The following MLLT3 variants were observed in gnomAD, a reference collection of about 807,000 sequenced individuals.
MLLT3 encodes protein AF-9.
MLLT3 carries 4 observed loss-of-function variants against 53.2 expected under a neutral mutation model. The observed-to-expected ratio is 0.08, with a 90% CI of 0.04 to 0.17. The LOEUF is 0.17. MLLT3 is among the 10% of genes least tolerant of loss of function. The pLI is 1.00. For synonymous variants in MLLT3, 283 were observed against 230.6 expected, an observed-to-expected ratio of 1.23 and a Z score of -2.06; for missense variants, 569 against 684.0, an observed-to-expected ratio of 0.83 and a Z score of 1.87.
intron 8 of MLLT3, among the ~76,000 whole-genome samples, chr9:20,358,153 C>T (rs1345133415): frequency 3.3e-5 from 5 of 152,016 alleles, no homozygotes; most frequent in Non-Finnish European, 4.4e-5. Flanking sequence ...AGAAGCTTGA[C>T]TTAAAGGGAT....
chr9:20,504,787 C>T (rs917330582), intron 2 of MLLT3, among the ~76,000 whole-genome samples: 2 of 152,006 alleles, frequency 1.3e-5, no homozygotes, highest in African/African-American at 4.8e-5. Context: ...TGTTAATTAG[C>T]TCAATTTGGC....
chr9:20,522,515 T>C (rs1818089818), intron 2 of MLLT3, among the ~76,000 whole-genome samples: 1 of 152,204 alleles, frequency 6.6e-6, no homozygotes, highest in South Asian at 2.1e-4. Context: ...AATTTTTTAC[T>C]ACCCTTTTGA....
intron 5 of MLLT3, among the ~76,000 whole-genome samples, chr9:20,372,451 G>A (rs1471274224): frequency 1.3e-5 from 2 of 151,810 alleles, no homozygotes; most frequent in Non-Finnish European, 2.9e-5. Context: ...AGGCTGGAGT[G>A]CAGTGGCACC....
intron 2 of MLLT3, among the ~76,000 whole-genome samples, chr9:20,568,350 A>C (rs2131160892): frequency 6.6e-6 from 1 of 152,296 alleles, no homozygotes; most frequent in Non-Finnish European, 1.5e-5. Flanking sequence ...TCCATAATAC[A>C]AGGCTGGGGA....
At position 20,342,807 on chromosome 9, in the gene MLLT3, G is replaced by C. The variant is rs1253243349; in HGVS notation, c.*3636C>G. The stretch of plus-strand genomic sequence containing the variant: ...CATAGTTTTAGAGCAACAGTCCAAA[G>C]CAAGATTACTCTGATAATATATATG... On this transcript the variant is annotated 3_prime_UTR_variant, in exon 11 of 11. Coordinates refer to ENST00000380338, the MANE Select transcript of MLLT3 (RefSeq NM_004529.4). 1 of 181,238 alleles carries C rather than the reference G, an allele frequency of 5.5e-6. No individual in the cohort carries two copies. Among genetic ancestry groups the C allele is most frequent in the Non-Finnish European group, 1.1e-5 (1 of 87,226 alleles). The allele number at this position is 181,238 out of a possible 1,614,324, so 11.2% of individuals were successfully genotyped here. A position where few individuals can be genotyped will look rare whatever the true frequency, so the allele number is the denominator to read the frequency against.
rs2118776747 is a variant in MLLT3 at position 20,414,214 on chromosome 9, G to T, written c.632C>A (p.Ser211Tyr). The change falls in exon 5 of 11, where the codon TCC becomes TAC. Residue 211 changes from serine (S) to tyrosine (Y), a missense_variant. Ser to Tyr is a moderately radical substitution (Grantham distance 144). Around this residue, in one of 5 missense-constraint regions of MLLT3, gnomAD observed 437 missense variants for 376.5 expected, o/e 1.16. Transcript: ENST00000380338. ...KEHKEKPSKD[S>Y]REHKSAFKEP... Reference sequence around the variant, plus strand: ...TTTGAAGGCACTTTTATGTTCTCTGGAGTCTTTAGAAGGTTTTTCCTTGTG... The same window carrying T: ...TTTGAAGGCACTTTTATGTTCTCTGTAGTCTTTAGAAGGTTTTTCCTTGTG... 2.5e-6 allele frequency: 4 copies of T among 1,614,060 alleles called. No homozygotes were observed. Among genetic ancestry groups the T allele is most frequent in the Non-Finnish European group, 2.5e-6 (3 of 1,180,024 alleles).
chr9:20,454,018 A>G (rs1224503638), intron 3 of MLLT3, among the ~76,000 whole-genome samples: 2 of 152,212 alleles, frequency 1.3e-5, no homozygotes, highest in Non-Finnish European at 2.9e-5. Flanking sequence ...TCTATATACT[A>G]AACAGAAAAT....
chr9:20,549,506 C>T (rs949801687), intron 2 of MLLT3, among the ~76,000 whole-genome samples: 1 of 152,178 alleles, frequency 6.6e-6, no homozygotes, highest in Non-Finnish European at 1.5e-5. Context: ...GTAGTTAACT[C>T]GTTTAATCTG....
chr9:20,546,934 T>C (rs112763855), intron 2 of MLLT3, among the ~76,000 whole-genome samples: 1 of 152,144 alleles, frequency 6.6e-6, no homozygotes. Context: ...CCTGCTGCCA[T>C]TGGCCTGTGC....
At chr9:20,442,292 T>C (rs1002320426) in intron 4 of MLLT3, among the ~76,000 whole-genome samples, 1 of 152,176 alleles carries the variant, frequency 6.6e-6, no homozygotes, top group Non-Finnish European at 1.5e-5. Context: ...ATAACCTCTT[T>C]GGCAGGAAAT....
chr9:20,354,683 T>A, intron 9 of MLLT3, 125 bp downstream of exon 9: 1 of 665,042 alleles, frequency 1.5e-6, no homozygotes, highest in East Asian at 2.7e-5. Flanking sequence ...ACTCATCATT[T>A]GGGCATCTTG....
intron 2 of MLLT3, among the ~76,000 whole-genome samples, chr9:20,613,752 T>C (rs1820756496): frequency 6.6e-6 from 1 of 152,262 alleles, no homozygotes. Flanking sequence ...TTGGCAAAGA[T>C]TTTTTTAAGC....
chr9:20,450,689 T>C (rs1391614695), intron 3 of MLLT3, among the ~76,000 whole-genome samples: 1 of 152,210 alleles, frequency 6.6e-6, no homozygotes, highest in East Asian at 1.9e-4. Context: ...CATTAATTCC[T>C]CTGAAAGTCT....
chr9:20,557,259 T>C (rs1464875822), intron 2 of MLLT3, among the ~76,000 whole-genome samples: 1 of 151,962 alleles, frequency 6.6e-6, no homozygotes, highest in African/African-American at 2.4e-5. Flanking sequence ...CAGAATAACA[T>C]AGTGGGGTAG....
intron 2 of MLLT3, among the ~76,000 whole-genome samples, chr9:20,590,996 C>T (rs1820114540): frequency 6.6e-6 from 1 of 151,946 alleles, no homozygotes; most frequent in African/African-American, 2.4e-5. Flanking sequence ...GCAATCCTTC[C>T]ACGTCAACCT....
rs189711811 is a variant in MLLT3 at position 20,342,026 on chromosome 9, G to C, written c.*4417C>G. 84 of 205,442 alleles carry C rather than the reference G, an allele frequency of 4.1e-4. No individual in the cohort carries two copies. The highest frequency in any genetic ancestry group is 1.7e-3 in the African/African-American group (74 of 43,848). 12.7% of individuals were successfully genotyped at this position (205,442 alleles called of 1,614,324 possible). Reference sequence around the variant, plus strand: ...AGGCATGGACTCTCTGCCTTCAGCTGGTTTTGGACACATTGTCCTCTCTCT... The same window carrying C: ...AGGCATGGACTCTCTGCCTTCAGCTCGTTTTGGACACATTGTCCTCTCTCT... On this transcript the variant is annotated 3_prime_UTR_variant, in exon 11 of 11. Transcript: ENST00000380338.
intron 5 of MLLT3, among the ~76,000 whole-genome samples, chr9:20,400,698 T>C (rs967045701): frequency 2.0e-5 from 3 of 151,952 alleles, no homozygotes; most frequent in Non-Finnish European, 4.4e-5. Context: ...GTGTATTTCA[T>C]GTATACTTGA....
At chr9:20,405,984 C>A in intron 5 of MLLT3, among the ~76,000 whole-genome samples, 1 of 151,800 alleles carries the variant, frequency 6.6e-6, no homozygotes, top group Non-Finnish European at 1.5e-5. Context: ...TGGTGGTATG[C>A]GCCTGTGATT....
intron 2 of MLLT3, among the ~76,000 whole-genome samples, chr9:20,492,390 C>A (rs12006533): frequency 1.4e-4 from 22 of 151,850 alleles, no homozygotes; most frequent in African/African-American, 5.3e-4. Flanking sequence ...GTTGGATGGT[C>A]ATTTCAAGGA....
Sources: allele counts gnomAD v4.1 joint callset (sites outside exome capture counted in the v4.1 genomes callset), GRCh38; gene constraint gnomAD v4.1.1; regional missense constraint gnomAD v4.1.1; transcripts MANE v1.5; gene names NCBI Gene and HGNC (gene_info 2026-07-23, HGNC 2026-07-21).